Variants in SOX6 observed in about 807,000 individuals in gnomAD.
SOX6 encodes the protein transcription factor SOX-6.
Under a neutral mutation model 97.8 loss-of-function variants are expected in SOX6, and 11 were observed. The ratio of observed to expected loss-of-function variants is 0.11; its 90% confidence interval spans 0.07 to 0.19. The LOEUF (loss-of-function observed/expected upper bound fraction) is 0.19. Ranked by LOEUF, SOX6 falls within the 10% of genes least tolerant of loss-of-function variation. The pLI is 1.00. For missense variants in SOX6, 810 were observed against 1,039.5 expected (o/e 0.78, Z 3.04); for synonymous variants, 360 against 371.4 (o/e 0.97, Z 0.35).
At chr11:15,983,574 G>C (rs11023811) in intron 15 of SOX6, among the ~76,000 whole-genome samples, 85,145 of 151,814 alleles carry the variant, frequency 0.56, 24,121 homozygotes, top group East Asian at 0.66. Flanking sequence ...AACCTCATAT[G>C]TAATAAAGAT....
At chr11:16,278,278 A>T (rs965011220) in intron 3 of SOX6, among the ~76,000 whole-genome samples, 7 of 152,184 alleles carry the variant, frequency 4.6e-5, no homozygotes, top group African/African-American at 1.4e-4. Context: ...AAAAGATCCC[A>T]AATGAAATCT....
chr11:16,495,300 G>T (rs545315550), intron 4 of SOX6, among the ~76,000 whole-genome samples: 10 of 152,248 alleles, frequency 6.6e-5, no homozygotes, highest in Non-Finnish European at 2.9e-5. Context: ...CACAGTCACT[G>T]CTGTCCCCTC....
chr11:16,018,311 C>G (rs542221209), intron 12 of SOX6, among the ~76,000 whole-genome samples: 1 of 152,132 alleles, frequency 6.6e-6, no homozygotes, highest in Admixed American at 6.6e-5. Context: ...TTCAACTCTT[C>G]GGGCATTATT....
At chr11:16,661,297 T>C (rs1459882997) in intron 3 of SOX6, among the ~76,000 whole-genome samples, 1 of 152,232 alleles carries the variant, frequency 6.6e-6, no homozygotes, top group Non-Finnish European at 1.5e-5. Flanking sequence ...TAGTACGGTA[T>C]ATCTTTATCT....
chr11:16,394,132 G>A (rs1055119867), intron 1 of SOX6, among the ~76,000 whole-genome samples: 14 of 151,862 alleles, frequency 9.2e-5, no homozygotes, highest in African/African-American at 3.4e-4. Flanking sequence ...CAAATATTGT[G>A]AGATTGAAAC....
chr11:16,690,522 C>G (rs543640150), intron 3 of SOX6, among the ~76,000 whole-genome samples: 7 of 152,278 alleles, frequency 4.6e-5, no homozygotes, highest in South Asian at 4.1e-4. Context: ...ATAAGGGATA[C>G]AAGCAAGGTA....
At chr11:16,552,280 A>C (rs369602512) in intron 4 of SOX6, among the ~76,000 whole-genome samples, 3 of 152,182 alleles carry the variant, frequency 2.0e-5, no homozygotes, top group Non-Finnish European at 4.4e-5. Context: ...AAAAAGGAAA[A>C]TGCATGCTGT....
At chr11:16,482,279 G>A (rs4582933) in intron 4 of SOX6, among the ~76,000 whole-genome samples, 15,182 of 152,050 alleles carry the variant, frequency 0.1, 878 homozygotes, top group Non-Finnish European at 0.14. Context: ...TTCCATTACC[G>A]TAAAATCAAA....
chr11:16,545,273 A>G (rs541677934), intron 4 of SOX6, among the ~76,000 whole-genome samples: 3 of 152,068 alleles, frequency 2.0e-5, no homozygotes, highest in African/African-American at 7.2e-5. Flanking sequence ...GAATACAGCC[A>G]AAGCTTTCCA....
At chr11:16,193,521 T>G (rs893912020) in intron 4 of SOX6, among the ~76,000 whole-genome samples, 1 of 152,196 alleles carries the variant, frequency 6.6e-6, no homozygotes, top group Non-Finnish European at 1.5e-5. Flanking sequence ...ATTAGATCAA[T>G]GCACACATTA....
chr11:16,138,959 A>C (rs902214213), intron 6 of SOX6, among the ~76,000 whole-genome samples: 1 of 152,142 alleles, frequency 6.6e-6, no homozygotes, highest in Admixed American at 6.6e-5. Flanking sequence ...ATTTTTGGAC[A>C]TTTGGGTTGG....
chr11:16,179,011 G>C (rs544371569), intron 6 of SOX6, among the ~76,000 whole-genome samples: 5 of 151,702 alleles, frequency 3.3e-5, no homozygotes, highest in South Asian at 4.1e-4. Flanking sequence ...TATTATGCTA[G>C]CAAAAAATTA....
chr11:16,126,735 G>A (rs1261893589), intron 6 of SOX6, among the ~76,000 whole-genome samples: 2 of 152,064 alleles, frequency 1.3e-5, no homozygotes, highest in Non-Finnish European at 2.9e-5. Context: ...ACAGAAACTA[G>A]ACAAGGCACA....
chr11:16,722,903 T>A (rs1564877764), intron 2 of SOX6, among the ~76,000 whole-genome samples: 1 of 152,134 alleles, frequency 6.6e-6, no homozygotes. Flanking sequence ...TCAACCATTG[T>A]GAAAAGCAGT....
intron 4 of SOX6, among the ~76,000 whole-genome samples, chr11:16,194,110 T>C (rs1285172095): frequency 6.6e-6 from 1 of 152,198 alleles, no homozygotes; most frequent in Non-Finnish European, 1.5e-5. Flanking sequence ...TAAAAGTTAC[T>C]TTGTGGTGAC....
intron 15 of SOX6, among the ~76,000 whole-genome samples, chr11:15,974,378 C>CTTTTTTTTTTTTTTTTTTTTTTT (rs35597667): frequency 2.3e-5 from 2 of 85,658 alleles, no homozygotes; most frequent in Non-Finnish European, 4.1e-5. Flanking sequence ...TTAGCTCTCT[C>CTTTTTTTTTTTTTTTTTTTTTTT]TTTTTTTTTT....
intron 6 of SOX6, among the ~76,000 whole-genome samples, chr11:16,144,892 C>T (rs1292000165): frequency 2.0e-5 from 3 of 152,194 alleles, no homozygotes; most frequent in Middle Eastern, 3.4e-3. Flanking sequence ...CAGGACCAGA[C>T]GGATTCACAG....
At chr11:16,682,402 C>T (rs1847935166) in intron 3 of SOX6, among the ~76,000 whole-genome samples, 1 of 152,216 alleles carries the variant, frequency 6.6e-6, no homozygotes, top group South Asian at 2.1e-4. Context: ...ATCAAGTCAG[C>T]TTCATCCCTG....
intron 4 of SOX6, among the ~76,000 whole-genome samples, chr11:16,562,482 T>G (rs1350062679): frequency 6.6e-6 from 1 of 152,174 alleles, no homozygotes; most frequent in African/African-American, 2.4e-5. Flanking sequence ...AGGAAACTTT[T>G]AGACACTATC....
Sources: allele counts gnomAD v4.1 joint callset (sites outside exome capture counted in the v4.1 genomes callset), GRCh38; gene constraint gnomAD v4.1.1; transcripts MANE v1.5; gene names NCBI Gene and HGNC (gene_info 2026-07-23, HGNC 2026-07-21).